Variants in LMBR1 observed in about 807,000 individuals in gnomAD.
The protein encoded by LMBR1 is limb region 1 protein homolog.
Under a neutral mutation model 73.9 loss-of-function variants are expected in LMBR1, and 52 were observed. The ratio of observed to expected loss-of-function variants is 0.70; its 90% confidence interval spans 0.56 to 0.89. The LOEUF (loss-of-function observed/expected upper bound fraction) is 0.89, where lower values mean the gene tolerates loss of function less well. LMBR1 is among the 40% of genes least tolerant of loss of function. LMBR1 has a pLI of 0.00. For missense variants in LMBR1, 539 were observed against 579.8 expected (o/e 0.93, Z 0.72); for synonymous variants, 215 against 209.4 (o/e 1.03, Z -0.23).
intron 15 of LMBR1, among the ~76,000 whole-genome samples, chr7:156,709,035 C>G (rs144246327): frequency 6.6e-6 from 1 of 152,284 alleles, no homozygotes; most frequent in African/African-American, 2.4e-5. Flanking sequence ...GAATCAGAAC[C>G]CAGACCCACC....
rs148710963 is a variant in LMBR1 at position 156,709,151 on chromosome 7, C to T, written c.1225+14961G>A. ...TGGCCCCACCCATCACCTGAGAAAC[C>T]AGAATACTTACCTTGGCCAACTTGG... On this transcript the variant is annotated intron_variant, in intron 15 of 16. Coordinates refer to ENST00000353442, the MANE Select transcript of LMBR1 (RefSeq NM_022458.4). Among the ~76,000 whole-genome samples, 500 of 152,236 alleles carry T rather than the reference C, an allele frequency of 3.3e-3. 9 individuals are homozygous for T. Among genetic ancestry groups the T allele is most frequent in the East Asian group, 0.033 (169 of 5,182 alleles).
At chr7:156,815,980 C>G (rs535884340) in intron 4 of LMBR1, among the ~76,000 whole-genome samples, 9 of 150,896 alleles carry the variant, frequency 6.0e-5, no homozygotes, top group African/African-American at 2.2e-4. Context: ...CATAAACATA[C>G]ATGCTTCCAG....
rs1796089951 is a variant in LMBR1 at position 156,850,514 on chromosome 7, AT to A, written c.67-13630del. ...TTTTATGTATTTGCCTATTCTGGGT[AT>A]TTCATATAAATAAAATCATACAGTA... On this transcript the variant is annotated intron_variant, in intron 1 of 16. Transcript: ENST00000353442. 2.0e-5 allele frequency among the ~76,000 whole-genome samples: 3 copies of A among 152,282 alleles called. No individual in the cohort carries two copies. The South Asian group carries it at 6.2e-4, about 32-fold the overall frequency.
At chr7:156,879,611 C>A (rs1479827755) in intron 1 of LMBR1, among the ~76,000 whole-genome samples, 1 of 143,156 alleles carries the variant, frequency 7.0e-6, no homozygotes, top group African/African-American at 2.6e-5. Flanking sequence ...TTGCAGTGAG[C>A]CAAGATCGCA....
intron 1 of LMBR1, among the ~76,000 whole-genome samples, chr7:156,879,918 C>A (rs1056323242): frequency 2.0e-5 from 3 of 152,130 alleles, no homozygotes; most frequent in African/African-American, 7.2e-5. Context: ...TAAACTGGTA[C>A]AACCACTATG....
chr7:156,761,056 G>T (rs1822887775), intron 8 of LMBR1, among the ~76,000 whole-genome samples: 1 of 152,232 alleles, frequency 6.6e-6, no homozygotes, highest in Admixed American at 6.5e-5. Context: ...CAGGTAAGAG[G>T]CCTTGAAGGG....
chr7:156,813,701 T>C (rs1833467818), intron 4 of LMBR1, among the ~76,000 whole-genome samples: 1 of 152,344 alleles, frequency 6.6e-6, no homozygotes, highest in African/African-American at 2.4e-5. Context: ...TTATGTTCTT[T>C]GATACACTCA....
intron 4 of LMBR1, among the ~76,000 whole-genome samples, chr7:156,807,880 T>C (rs925569196): frequency 1.3e-5 from 2 of 152,356 alleles, no homozygotes; most frequent in Non-Finnish European, 2.9e-5. Context: ...CAGTGAGTTA[T>C]TGTAAAGTAT....
Position 156,893,146 on chromosome 7 carries a change from G to A in LMBR1, c.-153C>T, listed in dbSNP as rs1039333656. 4 of 662,636 alleles carry A rather than the reference G, an allele frequency of 6.0e-6. No homozygotes were observed. The highest frequency in any genetic ancestry group is 8.7e-6 in the Non-Finnish European group (4 of 459,666). The allele number at this position is 662,636 out of a possible 1,614,324, so 41.0% of individuals were successfully genotyped here. ...AACAGGTACCGCGACCACGACACCG[G>A]CCGTCGCCTCAGCAGCCTCAGACGA... On this transcript the variant is annotated 5_prime_UTR_variant, in exon 1 of 17. Transcript: ENST00000353442.
chr7:156,819,669 C>T (rs945781104), intron 4 of LMBR1, among the ~76,000 whole-genome samples: 8 of 152,148 alleles, frequency 5.3e-5, no homozygotes, highest in Non-Finnish European at 8.8e-5. Context: ...AATAACCAGA[C>T]CGTTCGTGAA....
intron 15 of LMBR1, among the ~76,000 whole-genome samples, chr7:156,712,871 G>C (rs1369755722): frequency 6.6e-6 from 1 of 152,162 alleles, no homozygotes. Flanking sequence ...ACAGGGCAGG[G>C]GGGAGGCTGG....
intron 5 of LMBR1, among the ~76,000 whole-genome samples, chr7:156,781,365 C>T (rs890485807): frequency 6.6e-6 from 1 of 152,124 alleles, no homozygotes; most frequent in Non-Finnish European, 1.5e-5. Context: ...CTTCCGGCTT[C>T]CTGCTCTCAC....
chr7:156,695,865 T>C (rs1330631659), intron 15 of LMBR1, among the ~76,000 whole-genome samples: 1 of 125,190 alleles, frequency 8.0e-6, no homozygotes, highest in African/African-American at 3.5e-5. Context: ...AAGACACTGA[T>C]GGAAAAAAAA....
intron 3 of LMBR1, among the ~76,000 whole-genome samples, chr7:156,829,096 A>G (rs1836208688): frequency 6.6e-6 from 1 of 152,188 alleles, no homozygotes; most frequent in Non-Finnish European, 1.5e-5. Context: ...ACCCCAGCCA[A>G]CGGGGAAAGC....
At chr7:156,813,554 T>C (rs1005878583) in intron 4 of LMBR1, among the ~76,000 whole-genome samples, 2 of 152,194 alleles carry the variant, frequency 1.3e-5, no homozygotes, top group East Asian at 3.8e-4. Context: ...TATTGTGAAA[T>C]ATACGTTCTC....
intron 4 of LMBR1, among the ~76,000 whole-genome samples, chr7:156,799,501 C>A (rs1293927089): frequency 2.0e-5 from 3 of 152,136 alleles, no homozygotes; most frequent in Non-Finnish European, 2.9e-5. Context: ...ATAAAAGATG[C>A]CAAACTTAAT....
At chr7:156,875,687 A>G (rs1800051467) in intron 1 of LMBR1, among the ~76,000 whole-genome samples, 1 of 152,192 alleles carries the variant, frequency 6.6e-6, no homozygotes, top group African/African-American at 2.4e-5. Context: ...AACAATTATC[A>G]GCCAAAAATT....
At chr7:156,699,942 A>G (rs1395384158) in intron 15 of LMBR1, among the ~76,000 whole-genome samples, 15 of 152,218 alleles carry the variant, frequency 9.9e-5, no homozygotes, top group Admixed American at 9.8e-4. Context: ...GAACACTTTT[A>G]TACTGTTGGT....
At chr7:156,810,395 TTC>T (rs1036718886) in intron 4 of LMBR1, among the ~76,000 whole-genome samples, 20 of 152,230 alleles carry the variant, frequency 1.3e-4, no homozygotes, top group African/African-American at 4.6e-4. Context: ...GGAATCAAAT[TTC>T]TCTCTCTTTT....
Sources: gnomAD v4.1 joint callset for allele counts (sites outside exome capture counted in the v4.1 genomes callset) on GRCh38, gnomAD v4.1.1 for gene constraint, MANE v1.5 for transcripts, NCBI Gene and HGNC (gene_info 2026-07-23, HGNC 2026-07-21) for gene names.